The following IQGAP2 variants were observed in gnomAD, a reference collection of about 807,000 sequenced individuals.
IQGAP2 encodes ras GTPase-activating-like protein IQGAP2.
Under a neutral mutation model 201.3 loss-of-function variants are expected in IQGAP2, and 173 were observed. That is an observed-to-expected ratio of 0.86 (90% confidence interval 0.76 to 0.98). The LOEUF (loss-of-function observed/expected upper bound fraction) is 0.98. IQGAP2 is among the 50% of genes least tolerant of loss of function. The pLI, the probability that IQGAP2 is intolerant of heterozygous loss-of-function variation, is 0.00. For missense variants in IQGAP2, 1,687 were observed against 1,864.8 expected, an observed-to-expected ratio of 0.90 and a Z score of 1.76; for synonymous variants, 675 against 673.9, an observed-to-expected ratio of 1.00 and a Z score of -0.03.
intron 1 of IQGAP2, among the ~76,000 whole-genome samples, chr5:76,433,702 C>G (rs1162762506): frequency 1.3e-5 from 2 of 152,108 alleles, no homozygotes; most frequent in Non-Finnish European, 2.9e-5. Flanking sequence ...CTGCCTGAAC[C>G]CTGACTACTT....
intron 28 of IQGAP2, among the ~76,000 whole-genome samples, chr5:76,680,527 A>T (rs542706296): frequency 6.6e-6 from 1 of 152,180 alleles, no homozygotes; most frequent in Non-Finnish European, 1.5e-5. Flanking sequence ...AAAGAGTAAT[A>T]TCAAGAAATT....
intron 1 of IQGAP2, among the ~76,000 whole-genome samples, chr5:76,426,106 G>A: frequency 6.6e-6 from 1 of 152,174 alleles, no homozygotes. Flanking sequence ...ATTGCGGTCA[G>A]CTGGCACATC....
At chr5:76,549,382 G>T (rs1045226404) in intron 2 of IQGAP2, among the ~76,000 whole-genome samples, 23 of 151,638 alleles carry the variant, frequency 1.5e-4, no homozygotes, top group African/African-American at 5.1e-4. Flanking sequence ...TCTCAAGACA[G>T]ATAAGGTCCT....
chr5:76,679,751 G>A (rs962074010), intron 28 of IQGAP2, among the ~76,000 whole-genome samples: 4 of 152,022 alleles, frequency 2.6e-5, no homozygotes, highest in East Asian at 1.9e-4. Flanking sequence ...CATATGTACC[G>A]CCTTTCCAGA....
In IQGAP2 at chr5:76,575,740, A is replaced by C. The variant is rs1177361500; in HGVS notation, c.429A>C (p.Pro143=). The change falls in exon 5 of 36, where the codon CCA becomes CCC. Residue 143 remains proline, a synonymous_variant. Transcript: ENST00000274364. The part of the protein sequence containing the change: ...TTDVYDRKNI[P]RMIYCIHALS... ...ATGTCTATGATCGGAAAAACATACC[A>C]AGAATGATATATTGCATTCACGCAC... is the stretch of plus-strand genomic sequence containing the variant. 1 of 1,594,542 alleles carries C rather than the reference A, an allele frequency of 6.3e-7. No homozygotes were observed. Among genetic ancestry groups the C allele is most frequent in the African/African-American group, 1.3e-5 (1 of 74,334 alleles).
intron 15 of IQGAP2, among the ~76,000 whole-genome samples, chr5:76,633,699 C>T (rs1292406111): frequency 6.6e-6 from 1 of 152,160 alleles, no homozygotes; most frequent in Non-Finnish European, 1.5e-5. Context: ...AAATCCCCAT[C>T]ACCCACTCCC....
chr5:76,462,645 C>T (rs1480998094), intron 2 of IQGAP2, among the ~76,000 whole-genome samples: 1 of 152,072 alleles, frequency 6.6e-6, no homozygotes, highest in East Asian at 1.9e-4. Flanking sequence ...GAAATAAATA[C>T]TTGGTTAAAT....
chr5:76,495,321 G>T (rs1379127146), intron 2 of IQGAP2, among the ~76,000 whole-genome samples: 1 of 152,198 alleles, frequency 6.6e-6, no homozygotes, highest in South Asian at 2.1e-4. Flanking sequence ...AGTGAGCTGT[G>T]TCCAAGGGCA....
chr5:76,561,867 A>C (rs1744396633), intron 2 of IQGAP2, among the ~76,000 whole-genome samples: 1 of 152,176 alleles, frequency 6.6e-6, no homozygotes, highest in Non-Finnish European at 1.5e-5. Context: ...AGTCTGTGTT[A>C]TTTAAAGAAG....
Position 76,655,004 on chromosome 5 carries a change from G to T in IQGAP2, c.2320+1G>T. The stretch of plus-strand genomic sequence containing the variant: ...GCTAGAGATGACTACAAAACATTGG[G>T]TAAGTGAGAGCTTTCTGAAACAAAG... On this transcript the variant is annotated splice_donor_variant, in intron 20 of 35. Coordinates refer to ENST00000274364, the MANE Select transcript of IQGAP2 (RefSeq NM_006633.5). LOFTEE classifies it high-confidence loss of function. 6.2e-7 allele frequency: 1 copy of T among 1,604,172 alleles called. No individual in the cohort carries two copies.
chr5:76,433,226 G>T (rs1752474135), intron 1 of IQGAP2, among the ~76,000 whole-genome samples: 1 of 152,170 alleles, frequency 6.6e-6, no homozygotes, highest in Non-Finnish European at 1.5e-5. Context: ...TGGCACATTT[G>T]CTTTTAGGGT....
At chr5:76,624,084 A>C (rs1749998715) in intron 13 of IQGAP2, among the ~76,000 whole-genome samples, 1 of 152,118 alleles carries the variant, frequency 6.6e-6, no homozygotes, top group Admixed American at 6.5e-5. Context: ...CCTTTATTCC[A>C]TGAGTGTTGG....
At chr5:76,555,536 A>G (rs1177415534) in intron 2 of IQGAP2, among the ~76,000 whole-genome samples, 1 of 152,174 alleles carries the variant, frequency 6.6e-6, no homozygotes, top group Non-Finnish European at 1.5e-5. Flanking sequence ...TACAAGTCAC[A>G]CTTAAAATTT....
At chr5:76,614,314 G>C (rs1033212926) in intron 13 of IQGAP2, among the ~76,000 whole-genome samples, 8 of 152,128 alleles carry the variant, frequency 5.3e-5, no homozygotes, top group African/African-American at 1.9e-4. Context: ...GGTGTGATTA[G>C]AGCATTGATA....
At chr5:76,474,816 G>A (rs1357891860) in intron 2 of IQGAP2, among the ~76,000 whole-genome samples, 1 of 152,152 alleles carries the variant, frequency 6.6e-6, no homozygotes, top group East Asian at 1.9e-4. Context: ...AGGTTCAAGC[G>A]ATTCTCCTGC....
chr5:76,436,156 C>G (rs557901213), intron 1 of IQGAP2, among the ~76,000 whole-genome samples: 2 of 152,128 alleles, frequency 1.3e-5, no homozygotes, highest in East Asian at 3.9e-4. Context: ...ATCATATCAT[C>G]AGCAAACAAT....
intron 2 of IQGAP2, among the ~76,000 whole-genome samples, chr5:76,507,227 T>C (rs1757654107): frequency 6.6e-6 from 1 of 152,192 alleles, no homozygotes; most frequent in Non-Finnish European, 1.5e-5. Context: ...TATAGTCAAC[T>C]GATCTTTGAC....
chr5:76,509,490 G>T (rs757560720), intron 2 of IQGAP2, among the ~76,000 whole-genome samples: 1 of 151,322 alleles, frequency 6.6e-6, no homozygotes. Flanking sequence ...TCCGCCTCCC[G>T]GTTTCACGCC....
At position 76,707,334 on chromosome 5, in the gene IQGAP2, G is replaced by C. The variant is rs771080416; in HGVS notation, c.*21G>C. The C allele has an allele frequency of 3.8e-6, 4 of 1,041,558 alleles. No homozygotes were observed. The South Asian group carries it at 5.1e-5, about 13-fold the overall frequency. 64.5% of individuals were successfully genotyped at this position (1,041,558 alleles called of 1,614,324 possible). A position where few individuals can be genotyped will look rare whatever the true frequency, so the allele number is the denominator to read the frequency against. ...AGTGAAGTGCCTACAGAAATTTCTT[G>C]GATTCTGTATCATCTGGATTAGGAA... is the stretch of plus-strand genomic sequence containing the variant. On this transcript the variant is annotated 3_prime_UTR_variant, in exon 36 of 36. Coordinates refer to ENST00000274364, the MANE Select transcript of IQGAP2 (RefSeq NM_006633.5).
Sources: gnomAD v4.1 joint callset for allele counts (sites outside exome capture counted in the v4.1 genomes callset) on GRCh38, gnomAD v4.1.1 for gene constraint, MANE v1.5 for transcripts, NCBI Gene and HGNC (gene_info 2026-07-23, HGNC 2026-07-21) for gene names.